BLZF1: variants seen among roughly 807,000 people sequenced by gnomAD.
The protein encoded by BLZF1 is golgin-45.
In BLZF1, 39 loss-of-function variants were observed where a neutral mutation model predicts 43.8. That is an observed-to-expected ratio of 0.89 (90% CI 0.69 to 1.16). The LOEUF is 1.16. Among genes scored for constraint, BLZF1 ranks in the 50% most tolerant of loss-of-function variants. The pLI, the probability that BLZF1 is intolerant of heterozygous loss-of-function variation, is 0.00. For missense variants in BLZF1, 449 were observed against 469.8 expected, an observed-to-expected ratio of 0.96 and a Z score of 0.41; for synonymous variants, 136 against 159.4, an observed-to-expected ratio of 0.85 and a Z score of 1.11.
At chr1:169,370,679 C>G (rs190219982) in intron 2 of BLZF1, among the ~76,000 whole-genome samples, 33 of 152,310 alleles carry the variant, frequency 2.2e-4, no homozygotes, top group Non-Finnish European at 3.7e-4. Context: ...GACAGCCCTG[C>G]TGTAGCTGTA....
At chr1:169,379,993 A>G (rs935391372) in intron 4 of BLZF1, among the ~76,000 whole-genome samples, 21 of 151,878 alleles carry the variant, frequency 1.4e-4, no homozygotes, top group African/African-American at 5.1e-4. Context: ...TTTTTTGAGA[A>G]GTGTAAAAAA....
intron 5 of BLZF1, among the ~76,000 whole-genome samples, chr1:169,380,887 G>C (rs536515077): frequency 6.6e-6 from 1 of 152,058 alleles, no homozygotes; most frequent in Non-Finnish European, 1.5e-5. Context: ...GCTGGTAATA[G>C]TTGTAGTCGT....
At chr1:169,384,158 T>C (rs1032918798) in intron 6 of BLZF1, among the ~76,000 whole-genome samples, 3 of 152,208 alleles carry the variant, frequency 2.0e-5, no homozygotes, top group Admixed American at 6.5e-5. Context: ...TACTCTATAG[T>C]GCTGTTTTCA....
chr1:169,388,311 ACT>A (rs2102022511), downstream of BLZF1: 1 of 152,272 alleles, frequency 6.6e-6, no homozygotes, highest in East Asian at 1.9e-4. Context: ...CTTTATTGCG[ACT>A]ATTCCTTTTT....
Position 169,387,399 on chromosome 1 carries a change from A to C in BLZF1, c.*217A>C. The C allele has an allele frequency of 2.5e-6, 1 of 404,068 alleles. No homozygotes were observed. Among genetic ancestry groups the C allele is most frequent in the South Asian group, 5.7e-5 (1 of 17,568 alleles). The allele number at this position is 404,068 out of a possible 1,614,324, so 25.0% of individuals were successfully genotyped here. A position where few individuals can be genotyped will look rare whatever the true frequency, so the allele number is the denominator to read the frequency against. ...AAGAAACTGTATAGATATATTTAAAATAGAGAATACTTTCCAAGCAATACA... is the reference window on the plus strand; with the variant it reads ...AAGAAACTGTATAGATATATTTAAACTAGAGAATACTTTCCAAGCAATACA... On this transcript the variant is annotated 3_prime_UTR_variant, in exon 7 of 7. Coordinates refer to ENST00000367808, the MANE Select transcript of BLZF1 (RefSeq NM_001320973.2).
In BLZF1 at chr1:169,369,536, A is replaced by T. The variant is rs1309570467; in HGVS notation, c.14A>T (p.Asn5Ile). The change falls in exon 2 of 7, where the codon AAT (asparagine) becomes ATT (isoleucine). Residue 5 changes from asparagine (N) to isoleucine (I), a missense_variant. Physicochemically the swap from Asn to Ile is moderately radical, Grantham distance 149. Transcript: ENST00000367808. MTTK[N>I]LETKVTVTSS... ...TAAGGTGAAAAAATGACTACTAAAA[A>T]TTTAGAAACCAAAGGTAAGTGGCTT... 1.2e-6 allele frequency: 2 copies of T among 1,609,922 alleles called. No individual in the cohort carries two copies.
chr1:169,375,860 CAAAAT>C (rs1654324739), intron 2 of BLZF1, among the ~76,000 whole-genome samples: 1 of 151,422 alleles, frequency 6.6e-6, no homozygotes, highest in Admixed American at 6.6e-5. Context: ...ACAGTGCACT[CAAAAT>C]AAATTGAAAG....
chr1:169,394,189 A>G (rs1264518523), intron 7 of BLZF1, among the ~76,000 whole-genome samples: 1 of 152,240 alleles, frequency 6.6e-6, no homozygotes, highest in African/African-American at 2.4e-5. Context: ...AACGACACTA[A>G]TAGGGTTGTC....
At chr1:169,395,301 T>G in intron 7 of BLZF1, 1 of 1,106,414 alleles carries the variant, frequency 9.0e-7, no homozygotes, top group Non-Finnish European at 1.2e-6. Context: ...AAATGGACAT[T>G]TCTTTACAAT....
Position 169,387,048 on chromosome 1 carries a change from C to A in BLZF1, c.1069C>A (p.Pro357Thr). 6.2e-7 allele frequency: 1 copy of A among 1,613,008 alleles called. No individual in the cohort carries two copies. Among genetic ancestry groups the A allele is most frequent in the Non-Finnish European group, 8.5e-7 (1 of 1,179,490 alleles). Residue 357 changes from proline to threonine, a missense_variant, in exon 7 of 7, where the codon CCA becomes ACA. Coordinates refer to ENST00000367808, the MANE Select transcript of BLZF1 (RefSeq NM_001320973.2). Reference sequence around the variant, plus strand: ...CTGCAAAGAGAGTTCACCTGATAATCCATTTTTTGAGTCTTCACCAACCAC... The same window carrying A: ...CTGCAAAGAGAGTTCACCTGATAATACATTTTTTGAGTCTTCACCAACCAC... ...VTCKESSPDN[P>T]FFESSPTTLL... is the part of the protein sequence containing the mutation.
chr1:169,381,435 G>A (rs1482838401), intron 5 of BLZF1, among the ~76,000 whole-genome samples: 1 of 151,974 alleles, frequency 6.6e-6, no homozygotes, highest in South Asian at 2.1e-4. Flanking sequence ...GGTCTAGATG[G>A]ATTCACTGAT....
chr1:169,372,369 T>C lies in BLZF1; in HGVS notation c.28+2819T>C, dbSNP rs146607362. On this transcript the variant is annotated intron_variant, in intron 2 of 6. Transcript: ENST00000367808. ...GAAAAAAAATAAAGCAGTTTTTAAA[T>C]GGGTTAGTTTTTGGATGTTAAAAAT... Among the ~76,000 whole-genome samples the C allele has an allele frequency of 2.2e-4, 33 of 152,152 alleles. No homozygotes were observed. In the East Asian group the frequency reaches 6.2e-3, roughly 28 times the overall value.
chr1:169,382,116 C>T lies in BLZF1; in HGVS notation c.852C>T (p.Ser284=). Reference sequence around the variant, plus strand: ...AATGGGGAAGAGAGCAAACTTACTCCCCTAGTGTACAACCCCACAGCACAG... The same window carrying T: ...AATGGGGAAGAGAGCAAACTTACTCTCCTAGTGTACAACCCCACAGCACAG... ...SLQWGREQTY[S]PSVQPHSTAE... The change falls in exon 6 of 7, where the codon TCC becomes TCT. Residue 284 remains serine, a synonymous_variant. Transcript: ENST00000367808. 6.2e-7 allele frequency: 1 copy of T among 1,613,796 alleles called. No individual in the cohort carries two copies. The highest frequency in any genetic ancestry group is 8.5e-7 in the Non-Finnish European group (1 of 1,179,776).
intron 3 of BLZF1, among the ~76,000 whole-genome samples, chr1:169,378,000 T>G (rs1217368859): frequency 6.6e-6 from 1 of 152,000 alleles, no homozygotes; most frequent in Non-Finnish European, 1.5e-5. Flanking sequence ...TGTCATATTT[T>G]TTATCAAAAT....
intron 6 of BLZF1, among the ~76,000 whole-genome samples, chr1:169,386,106 G>A (rs1262896321): frequency 6.6e-6 from 1 of 152,152 alleles, no homozygotes; most frequent in African/African-American, 2.4e-5. Context: ...TCCTGTTTTG[G>A]GTCTCAGTAA....
chr1:169,376,132 A>G (rs767815566), intron 2 of BLZF1, among the ~76,000 whole-genome samples: 1 of 152,120 alleles, frequency 6.6e-6, no homozygotes, highest in Admixed American at 6.6e-5. Context: ...ATGCATCTAT[A>G]TAGCTGACAT....
Position 169,369,456 on chromosome 1 carries a change from T to C in BLZF1, c.-50-17T>C, listed in dbSNP as rs1308998715. On this transcript the variant is annotated splice_polypyrimidine_tract_variant and intron_variant, in intron 1 of 6. Coordinates refer to ENST00000367808, the MANE Select transcript of BLZF1 (RefSeq NM_001320973.2). Reference sequence around the variant, plus strand: ...ATATGATATTTTTAAAATTATTTCATATGCATACATTTCTAGGTTGTTCAG... The same window carrying C: ...ATATGATATTTTTAAAATTATTTCACATGCATACATTTCTAGGTTGTTCAG... 1 of 1,309,272 alleles carries C rather than the reference T, an allele frequency of 7.6e-7. No homozygotes were observed. The highest frequency in any genetic ancestry group is 1.5e-5 in the African/African-American group (1 of 66,782). The allele number at this position is 1,309,272 out of a possible 1,614,324, so 81.1% of individuals were successfully genotyped here.
At chr1:169,373,153 A>G (rs933227913) in intron 2 of BLZF1, among the ~76,000 whole-genome samples, 6 of 152,138 alleles carry the variant, frequency 3.9e-5, no homozygotes, top group African/African-American at 1.4e-4. Context: ...ATGTTAGACT[A>G]GTGACCTTCT....
At chr1:169,392,987 C>T (rs115471819), downstream of BLZF1, among the ~76,000 whole-genome samples, 6 of 152,144 alleles carry the variant, frequency 3.9e-5, no homozygotes, top group African/African-American at 1.4e-4. Flanking sequence ...GTTCTGTGAG[C>T]GATTCTAGCA....
Sources: allele counts gnomAD v4.1 joint callset (sites outside exome capture counted in the v4.1 genomes callset), GRCh38; gene constraint gnomAD v4.1.1; transcripts MANE v1.5; gene names NCBI Gene and HGNC (gene_info 2026-07-23, HGNC 2026-07-21).